ANKRD11: variants seen among roughly 807,000 people sequenced by gnomAD.
ANKRD11 encodes ankyrin repeat domain 11.
ANKRD11 carries 17 observed loss-of-function variants against 195.7 expected under a neutral mutation model. The ratio of observed to expected loss-of-function variants is 0.09; its 90% CI spans 0.06 to 0.13. The LOEUF is 0.13. Among genes scored for constraint, ANKRD11 ranks in the 10% least tolerant of loss-of-function variants. The pLI, the probability that ANKRD11 is intolerant of heterozygous loss-of-function variation, is 1.00. For synonymous variants in ANKRD11, 1,953 were observed against 1,528.1 expected (o/e 1.28, Z -6.49); for missense variants, 3,735 against 3,566.1 (o/e 1.05, Z -1.21).
In ANKRD11 at chr16:89,386,388, C is replaced by G. The variant is rs562242425; in HGVS notation, c.-60+31896G>C. On this transcript the variant is annotated intron_variant, in intron 2 of 12. Transcript: ENST00000301030. ...GTGTGTCCAGGGACCGTCCACACTGCCCTGCTGCCCCACCCTTTACCCAAG... is the reference window on the plus strand; with the variant it reads ...GTGTGTCCAGGGACCGTCCACACTGGCCTGCTGCCCCACCCTTTACCCAAG... 9.9e-5 allele frequency among the ~76,000 whole-genome samples: 15 copies of G among 152,284 alleles called. No homozygotes were observed. In the East Asian group the frequency reaches 2.9e-3, roughly 29 times the overall value.
intron 1 of ANKRD11, among the ~76,000 whole-genome samples, chr16:89,471,454 A>G (rs1372564494): frequency 6.6e-6 from 1 of 152,012 alleles, no homozygotes; most frequent in Non-Finnish European, 1.5e-5. Context: ...CTGCTCTGAG[A>G]AAAAGCTTCA....
intron 2 of ANKRD11, among the ~76,000 whole-genome samples, chr16:89,342,889 G>A (rs535299670): frequency 1.2e-4 from 19 of 152,318 alleles, no homozygotes; most frequent in African/African-American, 4.1e-4. Context: ...GGAAAGGGAC[G>A]GAGGTGAATG....
intron 4 of ANKRD11, among the ~76,000 whole-genome samples, chr16:89,303,695 CTG>C (rs1467643923): frequency 6.6e-6 from 1 of 152,234 alleles, no homozygotes; most frequent in Non-Finnish European, 1.5e-5. Context: ...CACCTGGCTA[CTG>C]TGAGCACATC....
chr16:89,279,848 G>A lies in ANKRD11; in HGVS notation c.6694C>T (p.Arg2232Cys), dbSNP rs760007187. Residue 2232 changes from arginine (R) to cysteine (C), a missense_variant, in exon 9 of 13, where the codon CGT becomes TGT. Arg to Cys is a radical substitution (Grantham distance 180, BLOSUM62 -3). Transcript: ENST00000301030. This position sits in a 1 kb window ranked among gnomAD's most constrained non-coding sequence, Gnocchi z 5.6. ...TCCACGCTGGAGTCCGGATCCCCAC[G>A]GGCCCTCTCTTCCGGCACCGTCTCC... ...EAETVPEERA[R>C]GDPDSSVEPA... The A allele has an allele frequency of 2.3e-5, 35 of 1,551,054 alleles. No individual in the cohort carries two copies. The African/African-American group carries it at 3.8e-4, about 17-fold the overall frequency.
chr16:89,401,174 ACCTCTG>A (rs974024373), intron 2 of ANKRD11, among the ~76,000 whole-genome samples: 6 of 141,416 alleles, frequency 4.2e-5, no homozygotes, highest in Non-Finnish European at 9.0e-5. Flanking sequence ...ACTCATTGCA[ACCTCTG>A]CCTCCCAAGT....
At chr16:89,337,486 G>C (rs1048737849) in intron 2 of ANKRD11, among the ~76,000 whole-genome samples, 1 of 124,792 alleles carries the variant, frequency 8.0e-6, no homozygotes, top group African/African-American at 3.1e-5. Flanking sequence ...GCCCAGGCTG[G>C]AGTGCAGTGG....
Position 89,282,513 on chromosome 16 carries a change from C to T in ANKRD11, c.4029G>A (p.Lys1343=). ...GTCTGTGCCTCTCCTTCTCTTTCAG[C>T]TTCTCAGGGAGGCAGGCGCTCTCCC... is the stretch of plus-strand genomic sequence containing the variant. The part of the protein sequence containing the change: ...KPRESACLPE[K]LKEKERHRHS... The change falls in exon 9 of 13, where the codon AAG becomes AAA. Residue 1343 remains lysine (K), a synonymous_variant. Coordinates refer to ENST00000301030, the MANE Select transcript of ANKRD11 (RefSeq NM_013275.6). 1 of 1,614,092 alleles carries T rather than the reference C, an allele frequency of 6.2e-7. No homozygotes were observed. The highest frequency in any genetic ancestry group is 1.3e-5 in the African/African-American group (1 of 75,040).
chr16:89,321,719 C>T (rs540122281), intron 2 of ANKRD11, among the ~76,000 whole-genome samples: 26 of 152,168 alleles, frequency 1.7e-4, no homozygotes, highest in African/African-American at 6.0e-4. Flanking sequence ...AAAAAGACTT[C>T]TTTGGGGTTG....
At chr16:89,399,317 G>A (rs1026713902) in intron 2 of ANKRD11, among the ~76,000 whole-genome samples, 4 of 152,064 alleles carry the variant, frequency 2.6e-5, no homozygotes, top group East Asian at 3.8e-4. Context: ...TTAAACACCC[G>A]GCGTCCATCC....
At chr16:89,303,871 G>A (rs2035995589) in intron 4 of ANKRD11, among the ~76,000 whole-genome samples, 1 of 152,102 alleles carries the variant, frequency 6.6e-6, no homozygotes, top group Admixed American at 6.5e-5. Context: ...TTCGTATCAC[G>A]AGCTCTTCTC....
At chr16:89,342,179 A>G (rs946687032) in intron 2 of ANKRD11, among the ~76,000 whole-genome samples, 1 of 152,260 alleles carries the variant, frequency 6.6e-6, no homozygotes, top group Non-Finnish European at 1.5e-5. Context: ...TCAAAGCACA[A>G]CACAGGTACT....
chr16:89,283,795 T>G lies in ANKRD11; in HGVS notation c.2747A>C (p.Asn916Thr). The G allele has an allele frequency of 6.2e-7, 1 of 1,613,388 alleles. No individual in the cohort carries two copies. Among genetic ancestry groups the G allele is most frequent in the Non-Finnish European group, 8.5e-7 (1 of 1,179,650 alleles). The stretch of plus-strand genomic sequence containing the variant: ...GGTCTGCTCTTTCCTCTTCTCAGAG[T>G]TTTTATCCAAATAGTCCCTGTCCTT... ...RKKDRDYLDK[N>T]SEKRKEQTEK... Residue 916 changes from asparagine to threonine, a missense_variant, in exon 9 of 13, where the codon AAC becomes ACC. By Grantham distance (65) the Asn-to-Thr change is moderately conservative. Coordinates refer to ENST00000301030, the MANE Select transcript of ANKRD11 (RefSeq NM_013275.6). The surrounding 1 kb of genome is among the most constrained non-coding windows in gnomAD (Gnocchi z 4.3).
chr16:89,280,800 G>C lies in ANKRD11; in HGVS notation c.5742C>G (p.Ser1914=). The C allele has an allele frequency of 6.2e-7, 1 of 1,609,418 alleles. No homozygotes were observed. The highest frequency in any genetic ancestry group is 2.2e-5 in the East Asian group (1 of 44,714). The change falls in exon 9 of 13, where the codon TCC becomes TCG. Residue 1914 remains serine, a synonymous_variant. Coordinates refer to ENST00000301030, the MANE Select transcript of ANKRD11 (RefSeq NM_013275.6). ...EGALPPDLDT[S]EDQQATAAII... ...TGGCGGCCGTCGCCTGCTGGTCCTC[G>C]GAGGTGTCCAGGTCCGGGGGAAGGG...
chr16:89,270,734 G>T, intron 12 of ANKRD11, 83 bp downstream of exon 12: 1 of 1,367,942 alleles, frequency 7.3e-7, no homozygotes, highest in Non-Finnish European at 1.0e-6. Flanking sequence ...CCCCCAGGCA[G>T]CGCAAAGGGG....
chr16:89,444,211 A>G (rs1323390032), intron 1 of ANKRD11, among the ~76,000 whole-genome samples: 1 of 152,076 alleles, frequency 6.6e-6, no homozygotes, highest in Non-Finnish European at 1.5e-5. Context: ...TCACAAGCAG[A>G]AGAAACAACA....
chr16:89,487,847 T>A (rs1477337827), intron 1 of ANKRD11, among the ~76,000 whole-genome samples: 1 of 152,170 alleles, frequency 6.6e-6, no homozygotes, highest in African/African-American at 2.4e-5. Flanking sequence ...AACAGCATAG[T>A]TTCCTTCACT....
intron 2 of ANKRD11, among the ~76,000 whole-genome samples, chr16:89,347,543 G>A (rs1266426879): frequency 1.3e-5 from 2 of 151,576 alleles, no homozygotes; most frequent in African/African-American, 4.9e-5. Context: ...CCTGGGAGAT[G>A]GAGGTTGCAG....
chr16:89,287,178 G>A (rs1359024646), intron 7 of ANKRD11: 24 of 1,159,242 alleles, frequency 2.1e-5, no homozygotes, highest in Non-Finnish European at 2.7e-5. Context: ...CTGCTTAGGG[G>A]CCACCACACT....
intron 1 of ANKRD11, among the ~76,000 whole-genome samples, chr16:89,487,571 C>T (rs552526856): frequency 2.0e-5 from 3 of 152,230 alleles, no homozygotes; most frequent in South Asian, 2.1e-4. Flanking sequence ...GTTAGGAGTT[C>T]AAGACCAGCG....
Sources: allele counts gnomAD v4.1 joint callset (sites outside exome capture counted in the v4.1 genomes callset), GRCh38; gene constraint gnomAD v4.1.1; non-coding constraint Gnocchi (gnomAD v3.1); transcripts MANE v1.5; gene names NCBI Gene and HGNC (gene_info 2026-07-23, HGNC 2026-07-21).